The following EPHA6 variants were observed in gnomAD, a reference collection of about 807,000 sequenced individuals.
The protein encoded by EPHA6 is EPH receptor A6, also known as ephrin type-A receptor 6.
Under a neutral mutation model 112.0 loss-of-function variants are expected in EPHA6, and 50 were observed. The ratio of observed to expected loss-of-function variants is 0.45; its 90% CI spans 0.36 to 0.56. The LOEUF (loss-of-function observed/expected upper bound fraction) is 0.56, where lower values mean the gene tolerates loss of function less well. Ranked by LOEUF, EPHA6 falls within the 20% of genes least tolerant of loss-of-function variation. The probability of loss-of-function intolerance (pLI) is 0.00; values close to 1 mark genes in which losing one functional copy is unlikely to be tolerated. For synonymous variants in EPHA6, 529 were observed against 490.7 expected (o/e 1.08, Z -1.03); for missense variants, 1,280 against 1,417.4 (o/e 0.90, Z 1.56).
intron 3 of EPHA6, among the ~76,000 whole-genome samples, chr3:97,067,115 A>G (rs1247841284): frequency 1.3e-5 from 2 of 152,026 alleles, no homozygotes; most frequent in African/African-American, 4.8e-5. Context: ...GTCCTCAGTT[A>G]TTTTAAGTAA....
At position 97,183,462 on chromosome 3, in the gene EPHA6, A is replaced by G. The variant is rs148838498; in HGVS notation, c.1115-42802A>G. On this transcript the variant is annotated intron_variant, in intron 3 of 17. Transcript: ENST00000389672. ...TACATCTACATTTTCTGGCACAACTATATTTTATGACTTAGTGTCATAACT... is the reference window on the plus strand; with the variant it reads ...TACATCTACATTTTCTGGCACAACTGTATTTTATGACTTAGTGTCATAACT... Among the ~76,000 whole-genome samples, 205 of 152,296 alleles carry G rather than the reference A, an allele frequency of 1.3e-3. 1 individual carries two copies. Among genetic ancestry groups the G allele is most frequent in the African/African-American group, 4.7e-3 (194 of 41,590 alleles).
At chr3:97,725,180 G>A (rs190106319) in intron 15 of EPHA6, among the ~76,000 whole-genome samples, 161 of 152,108 alleles carry the variant, frequency 1.1e-3, no homozygotes, top group African/African-American at 3.5e-3. Flanking sequence ...TAAGTTCTTC[G>A]CTGTCTGCTT....
At chr3:97,104,707 A>G (rs1018669346) in intron 3 of EPHA6, among the ~76,000 whole-genome samples, 2 of 152,104 alleles carry the variant, frequency 1.3e-5, no homozygotes, top group South Asian at 4.1e-4. Context: ...TAACAATTTC[A>G]GTAGGAATGG....
At position 96,921,341 on chromosome 3, in the gene EPHA6, A is replaced by G. The variant is rs574121340; in HGVS notation, c.450+54452A>G. On this transcript the variant is annotated intron_variant, in intron 2 of 17. Transcript: ENST00000389672. ...TATTAATATTTTTCAAATATGTTTG[A>G]TAAAACATTTTTTAAAACTTTAAAA... Among the ~76,000 whole-genome samples, 3 of 152,172 alleles carry G rather than the reference A, an allele frequency of 2.0e-5. No homozygotes were observed. In the East Asian group the frequency reaches 5.8e-4, roughly 29 times the overall value.
At chr3:97,464,035 A>G (rs1345513168) in intron 7 of EPHA6, among the ~76,000 whole-genome samples, 1 of 152,152 alleles carries the variant, frequency 6.6e-6, no homozygotes, top group Non-Finnish European at 1.5e-5. Flanking sequence ...TGATCCACAC[A>G]GCCACCAATC....
intron 5 of EPHA6, among the ~76,000 whole-genome samples, chr3:97,285,155 T>C (rs996998957): frequency 2.6e-5 from 4 of 152,088 alleles, no homozygotes; most frequent in Non-Finnish European, 5.9e-5. Context: ...TAAGAGCCAT[T>C]GATGATGATT....
intron 5 of EPHA6, among the ~76,000 whole-genome samples, chr3:97,380,958 C>G (rs2085693097): frequency 6.6e-6 from 1 of 152,042 alleles, no homozygotes; most frequent in South Asian, 2.1e-4. Flanking sequence ...GCAACTTTCT[C>G]TCATATAGAT....
intron 5 of EPHA6, among the ~76,000 whole-genome samples, chr3:97,257,110 A>G (rs1422788086): frequency 6.6e-6 from 1 of 152,028 alleles, no homozygotes; most frequent in African/African-American, 2.4e-5. Context: ...AGGGAAAACT[A>G]TTATTTAGAA....
intron 5 of EPHA6, among the ~76,000 whole-genome samples, chr3:97,279,333 A>T (rs1203507034): frequency 6.6e-6 from 1 of 152,186 alleles, no homozygotes; most frequent in Admixed American, 6.5e-5. Context: ...CACCCATCAC[A>T]TACTTTGTTA....
At chr3:97,327,283 T>A (rs1252028759) in intron 5 of EPHA6, among the ~76,000 whole-genome samples, 1 of 152,048 alleles carries the variant, frequency 6.6e-6, no homozygotes, top group Non-Finnish European at 1.5e-5. Context: ...TTAATTGACA[T>A]TTTTATTGAA....
intron 2 of EPHA6, among the ~76,000 whole-genome samples, chr3:96,940,285 C>A (rs951789091): frequency 2.0e-5 from 3 of 152,130 alleles, no homozygotes; most frequent in Non-Finnish European, 4.4e-5. Context: ...CTGGGTGCTC[C>A]TGTATTGGGT....
intron 1 of EPHA6, among the ~76,000 whole-genome samples, chr3:96,831,068 C>T (rs954100614): frequency 2.0e-5 from 3 of 151,920 alleles, no homozygotes. Context: ...AAAATAATTG[C>T]TTTCCCTGTA....
chr3:97,404,742 G>T (rs2087223398), intron 5 of EPHA6, among the ~76,000 whole-genome samples: 1 of 152,140 alleles, frequency 6.6e-6, no homozygotes. Flanking sequence ...AGGAAAGGGA[G>T]AAGCCTATAA....
chr3:97,049,589 G>A (rs974660613), intron 3 of EPHA6, among the ~76,000 whole-genome samples: 11 of 152,178 alleles, frequency 7.2e-5, no homozygotes, highest in Non-Finnish European at 1.5e-4. Context: ...ATGTGGAAAT[G>A]TAAGTCTTAG....
At chr3:97,573,180 T>A (rs1325901490) in intron 11 of EPHA6, among the ~76,000 whole-genome samples, 1 of 152,218 alleles carries the variant, frequency 6.6e-6, no homozygotes, top group Non-Finnish European at 1.5e-5. Flanking sequence ...TGTCTCCAAA[T>A]GACTTGATTT....
chr3:96,963,076 C>T (rs1333100792), intron 2 of EPHA6, among the ~76,000 whole-genome samples: 1 of 150,576 alleles, frequency 6.6e-6, no homozygotes, highest in African/African-American at 2.5e-5. Context: ...ATTGGAGAAT[C>T]GCTTGAGCTC....
chr3:97,223,047 G>A (rs578056791), intron 3 of EPHA6, among the ~76,000 whole-genome samples: 1 of 152,298 alleles, frequency 6.6e-6, no homozygotes, highest in African/African-American at 2.4e-5. Context: ...CTTTTCAACA[G>A]AGAAGAAGCC....
chr3:97,071,612 T>C (rs555076759), intron 3 of EPHA6, among the ~76,000 whole-genome samples: 2 of 152,148 alleles, frequency 1.3e-5, no homozygotes, highest in South Asian at 4.1e-4. Context: ...TGAGAAAGAC[T>C]GGCCCCCATG....
At chr3:97,062,863 A>C (rs1161581126) in intron 3 of EPHA6, among the ~76,000 whole-genome samples, 1 of 152,148 alleles carries the variant, frequency 6.6e-6, no homozygotes, top group Non-Finnish European at 1.5e-5. Flanking sequence ...TGTCTTTATC[A>C]GCAGTGTGAA....
Sources: allele counts gnomAD v4.1 joint callset (sites outside exome capture counted in the v4.1 genomes callset), GRCh38; gene constraint gnomAD v4.1.1; transcripts MANE v1.5; gene names NCBI Gene and HGNC (gene_info 2026-07-23, HGNC 2026-07-21).